The following RBM23 variants were observed in gnomAD, a reference collection of about 807,000 sequenced individuals.
RBM23 encodes the protein RNA binding motif protein 23, also known as probable RNA-binding protein 23.
In RBM23, 53 loss-of-function variants were observed where a neutral mutation model predicts 56.2. The observed-to-expected ratio is 0.94, with a 90% CI of 0.76 to 1.19. RBM23 has a LOEUF of 1.19. RBM23 is among the 50% of genes most tolerant of loss of function. The pLI, the probability that RBM23 is intolerant of heterozygous loss-of-function variation, is 0.00. For synonymous variants in RBM23, 197 were observed against 198.5 expected (o/e 0.99, Z 0.06); for missense variants, 642 against 590.3 (o/e 1.09, Z -0.91).
At chr14:22,905,827 C>T (rs1024559564) in intron 5 of RBM23, 168 bp from the exon 6 acceptor site, 16 of 625,546 alleles carry the variant, frequency 2.6e-5, no homozygotes, top group Non-Finnish European at 4.5e-5. Context: ...CGGGTCACTG[C>T]AACCTTTGCC....
rs1245194466 is a variant in RBM23 at position 22,899,546 on chromosome 14, ACT to A, written c.*2182_*2183del. 1 of 152,144 alleles carries A rather than the reference ACT, an allele frequency of 6.6e-6. No homozygotes were observed. Among genetic ancestry groups the A allele is most frequent in the African/African-American group, 2.4e-5 (1 of 41,404 alleles). 9.4% of individuals were successfully genotyped at this position (152,144 alleles called of 1,614,324 possible). ...CAGGCACCCACCACCATGCCCAGCTACTTTTTGTATTTCTAGTAGAGACAGAG... is the reference window on the plus strand; with the variant it reads ...CAGGCACCCACCACCATGCCCAGCTATTTTGTATTTCTAGTAGAGACAGAG... On this transcript the variant is annotated 3_prime_UTR_variant, in exon 14 of 14. Transcript: ENST00000359890.
Position 22,904,325 on chromosome 14 carries a change from A to G in RBM23, c.866T>C (p.Ile289Thr). The change falls in exon 10 of 14, where the codon ATT becomes ACT. Residue 289 changes from isoleucine to threonine, a missense_variant and splice_region_variant. By Grantham distance (89) the Ile-to-Thr change is moderately conservative. Coordinates refer to ENST00000359890, the MANE Select transcript of RBM23 (RefSeq NM_001077351.2). ...LRGIFEPFGKIDNIVLMKDSD... is the reference protein window; with the variant it reads ...LRGIFEPFGKTDNIVLMKDSD... ...GTCCTTCATCAGGACAATATTATCAATCTGTAGAAGAGTGAGAAATTATCA... is the reference window on the plus strand; with the variant it reads ...GTCCTTCATCAGGACAATATTATCAGTCTGTAGAAGAGTGAGAAATTATCA... 1.9e-6 allele frequency: 3 copies of G among 1,605,162 alleles called. No individual in the cohort carries two copies. Among genetic ancestry groups the G allele is most frequent in the Non-Finnish European group, 2.6e-6 (3 of 1,172,448 alleles).
chr14:22,910,101 G>A (rs1349893117), intron 2 of RBM23, among the ~76,000 whole-genome samples: 1 of 140,648 alleles, frequency 7.1e-6, no homozygotes, highest in Admixed American at 7.7e-5. Context: ...TGCAGTAACT[G>A]GGATTGTACC....
chr14:22,911,324 T>C lies in RBM23; in HGVS notation c.66+4A>G, dbSNP rs2042481465. The C allele has an allele frequency of 6.2e-7, 1 of 1,613,206 alleles. No homozygotes were observed. Among genetic ancestry groups the C allele is most frequent in the Non-Finnish European group, 8.5e-7 (1 of 1,179,350 alleles). On this transcript the variant is annotated splice_donor_region_variant and intron_variant, in intron 2 of 13. Coordinates refer to ENST00000359890, the MANE Select transcript of RBM23 (RefSeq NM_001077351.2). ...AATTCCAGGAGTGAGGTGGAAAATA[T>C]TACCTCTTCTTTTTTATAGGGAGCT... is the stretch of plus-strand genomic sequence containing the variant.
Position 22,912,644 on chromosome 14 carries a change from C to T in RBM23, c.-10-1241G>A, listed in dbSNP as rs367856363. Reference sequence around the variant, plus strand: ...ATTACACGGAGTGACAGAAACCAGCCCCCCCCACAAAAAGTACACAATGAA... The same window carrying T: ...ATTACACGGAGTGACAGAAACCAGCTCCCCCCACAAAAAGTACACAATGAA... On this transcript the variant is annotated intron_variant, in intron 1 of 13. Transcript: ENST00000359890. 5.9e-5 allele frequency among the ~76,000 whole-genome samples: 9 copies of T among 152,106 alleles called. No individual in the cohort carries two copies. In the East Asian group the frequency reaches 1.4e-3, roughly 23 times the overall value.
intron 3 of RBM23, 23 bp from the exon 4 acceptor site, chr14:22,908,403 CTT>C (rs747437175): frequency 6.9e-4 from 887 of 1,279,134 alleles, no homozygotes; most frequent in Admixed American, 1.6e-3. Flanking sequence ...GTACATTCTT[CTT>C]TTTTTTTTTT....
chr14:22,896,701 CTT>C lies in RBM23; in HGVS notation c.*5027_*5028del, dbSNP rs1384889089. The C allele has an allele frequency of 6.6e-6, 1 of 152,212 alleles. No homozygotes were observed. Among genetic ancestry groups the C allele is most frequent in the Non-Finnish European group, 1.5e-5 (1 of 68,038 alleles). The allele number at this position is 152,212 out of a possible 1,614,324, so 9.4% of individuals were successfully genotyped here. A position where few individuals can be genotyped will look rare whatever the true frequency, so the allele number is the denominator to read the frequency against. On this transcript the variant is annotated 3_prime_UTR_variant, in exon 14 of 14. Coordinates refer to ENST00000359890, the MANE Select transcript of RBM23 (RefSeq NM_001077351.2). ...TGAACAACTAATAGACTTCATCCAA[CTT>C]TTTGAAGTGATCTTTGCTCAGCTCT...
intron 3 of RBM23, 90 bp from the exon 4 acceptor site, chr14:22,908,470 G>T (rs1360175056): frequency 7.1e-7 from 1 of 1,413,688 alleles, no homozygotes; most frequent in East Asian, 2.5e-5. Flanking sequence ...TTGGCTCACT[G>T]CAACCTCCGC....
chr14:22,896,725 C>T lies in RBM23; in HGVS notation c.*5005G>A, dbSNP rs2040254347. The T allele has an allele frequency of 6.6e-6, 1 of 152,220 alleles. No individual in the cohort carries two copies. Among genetic ancestry groups the T allele is most frequent in the African/African-American group, 2.4e-5 (1 of 41,452 alleles). 9.4% of individuals were successfully genotyped at this position (152,220 alleles called of 1,614,324 possible). ...ACTTTTTGAAGTGATCTTTGCTCAG[C>T]TCTTTCCTTGCACCCACCTTCCCAC... On this transcript the variant is annotated 3_prime_UTR_variant, in exon 14 of 14. Transcript: ENST00000359890.
At chr14:22,911,629 T>C (rs747197908) in intron 1 of RBM23, 37 of 345,208 alleles carry the variant, frequency 1.1e-4, no homozygotes, top group Admixed American at 4.1e-5. Flanking sequence ...CAGTCAAGGA[T>C]AGTCCGGGCG....
In RBM23 at chr14:22,902,060, G is replaced by A; in HGVS notation, c.1166C>T (p.Ala389Val). Residue 389 changes from alanine (A) to valine (V), a missense_variant, in exon 12 of 14, where the codon GCT becomes GTT. By Grantham distance (64) the Ala-to-Val change is moderately conservative. Coordinates refer to ENST00000359890, the MANE Select transcript of RBM23 (RefSeq NM_001077351.2). ...GGCAGCAGCCTGGGCGGCGGCGGCAGCAGCAGCAGCAGCAGTGCTTGGCAG... is the reference window on the plus strand; with the variant it reads ...GGCAGCAGCCTGGGCGGCGGCGGCAACAGCAGCAGCAGCAGTGCTTGGCAG... ...IQLPSTAAAA[A>V]AAAAQAAALQ... 2 of 1,611,624 alleles carry A rather than the reference G, an allele frequency of 1.2e-6. No homozygotes were observed. Among genetic ancestry groups the A allele is most frequent in the Non-Finnish European group, 1.7e-6 (2 of 1,178,338 alleles).
intron 1 of RBM23, among the ~76,000 whole-genome samples, chr14:22,915,346 A>T (rs1173465581): frequency 6.9e-6 from 1 of 144,690 alleles, no homozygotes; most frequent in African/African-American, 2.6e-5. Flanking sequence ...GATTACAGGC[A>T]TGCGCCACCA....
intron 1 of RBM23, among the ~76,000 whole-genome samples, chr14:22,918,380 G>A (rs1395331449): frequency 6.9e-6 from 1 of 145,314 alleles, no homozygotes; most frequent in African/African-American, 2.5e-5. Flanking sequence ...GTGACAAAGC[G>A]ACACTCCGCC....
In RBM23 at chr14:22,904,979, T is replaced by A; in HGVS notation, c.760A>T (p.Asn254Tyr). Residue 254 changes from asparagine to tyrosine, a missense_variant, in exon 9 of 14, where the codon AAC becomes TAC. By Grantham distance (143) the Asn-to-Tyr change is moderately radical (BLOSUM62 -2). Transcript: ENST00000359890. ...GGTCCACCATTGCCCTTTTGCAGGT[T>A]GTTGGCCATGGCTGCCAGTCGGTTT... ...EKNRLAAMAN[N>Y]LQKGNGGPMR... 1 of 1,614,190 alleles carries A rather than the reference T, an allele frequency of 6.2e-7. No individual in the cohort carries two copies. Among genetic ancestry groups the A allele is most frequent in the Non-Finnish European group, 8.5e-7 (1 of 1,180,024 alleles).
At chr14:22,912,655 A>G (rs2042726068) in intron 1 of RBM23, among the ~76,000 whole-genome samples, 1 of 152,174 alleles carries the variant, frequency 6.6e-6, no homozygotes, top group Non-Finnish European at 1.5e-5. Context: ...CCCCCCACAA[A>G]AAGTACACAA....
rs1254373476 is a variant in RBM23, at chr14:22,897,005, G to A, written c.*4725C>T. 1 of 152,198 alleles carries A rather than the reference G, an allele frequency of 6.6e-6. No homozygotes were observed. Among genetic ancestry groups the A allele is most frequent in the Non-Finnish European group, 1.5e-5 (1 of 68,034 alleles). The allele number at this position is 152,198 out of a possible 1,614,324, so 9.4% of individuals were successfully genotyped here. A position where few individuals can be genotyped will look rare whatever the true frequency, so the allele number is the denominator to read the frequency against. The stretch of plus-strand genomic sequence containing the variant: ...CTGGTGGATGGCAAGCAGCACTTTA[G>A]AAAGAAAGTATCACAGGCTACCATG... On this transcript the variant is annotated 3_prime_UTR_variant, in exon 14 of 14. Coordinates refer to ENST00000359890, the MANE Select transcript of RBM23 (RefSeq NM_001077351.2).
Position 22,902,561 on chromosome 14 carries a change from C to T in RBM23, c.931-179G>A, listed in dbSNP as rs1051004028. ...CCTCAAAATGGTTCTCTGAAAAGGA[C>T]CTTTTCCAATGGACTCAATGGCAGT... On this transcript the variant is annotated intron_variant, in intron 10 of 13. Transcript: ENST00000359890. 2.0e-5 allele frequency: 26 copies of T among 1,327,320 alleles called. No homozygotes were observed. The South Asian group carries it at 4.5e-4, about 23-fold the overall frequency. The allele number at this position is 1,327,320 out of a possible 1,614,324, so 82.2% of individuals were successfully genotyped here. A position where few individuals can be genotyped will look rare whatever the true frequency, so the allele number is the denominator to read the frequency against.
At chr14:22,913,512 A>G (rs1340447973) in intron 1 of RBM23, among the ~76,000 whole-genome samples, 1 of 152,098 alleles carries the variant, frequency 6.6e-6, no homozygotes, top group Admixed American at 6.6e-5. Context: ...CTGTAATCCC[A>G]GCACCGTGGG....
rs1171436002 is a variant in RBM23, at chr14:22,902,396, A to G, written c.931-14T>C. On this transcript the variant is annotated splice_polypyrimidine_tract_variant and intron_variant, in intron 10 of 13. Coordinates refer to ENST00000359890, the MANE Select transcript of RBM23 (RefSeq NM_001077351.2). Reference sequence around the variant, plus strand: ...AGAATCAGAGAACTATGAGAAACCCAGGCCATGTTAGTCACCTACTCACCA... The same window carrying G: ...AGAATCAGAGAACTATGAGAAACCCGGGCCATGTTAGTCACCTACTCACCA... 1 of 1,605,832 alleles carries G rather than the reference A, an allele frequency of 6.2e-7. No homozygotes were observed. The highest frequency in any genetic ancestry group is 1.7e-5 in the Admixed American group (1 of 59,778).
Sources: allele counts gnomAD v4.1 joint callset (sites outside exome capture counted in the v4.1 genomes callset), GRCh38; gene constraint gnomAD v4.1.1; transcripts MANE v1.5; gene names NCBI Gene and HGNC (gene_info 2026-07-23, HGNC 2026-07-21).